Variants in CHL1 observed in about 807,000 individuals in gnomAD.
The protein encoded by CHL1 is neural cell adhesion molecule L1-like protein.
In CHL1, 96 loss-of-function variants were observed where a neutral mutation model predicts 141.9. The ratio of observed to expected loss-of-function variants is 0.68; its 90% CI spans 0.57 to 0.80. The LOEUF (loss-of-function observed/expected upper bound fraction) is 0.80. CHL1 is among the 30% of genes least tolerant of loss of function. The probability of loss-of-function intolerance (pLI) is 0.00; values close to 1 mark genes in which losing one functional copy is unlikely to be tolerated. For synonymous variants in CHL1, 613 were observed against 502.2 expected (o/e 1.22, Z -2.95); for missense variants, 1,820 against 1,457.2 (o/e 1.25, Z -4.05).
rs73815830 is a variant in CHL1 at position 287,577 on chromosome 3, G to C, written c.-94-32106G>C. On this transcript the variant is annotated intron_variant, in intron 2 of 27. Coordinates refer to ENST00000256509, the MANE Select transcript of CHL1 (RefSeq NM_006614.4). ...TCTTCTACTCAGATAATAAATGCCA[G>C]TCTTTGATTTGATATATTTAACTCT... 9.5e-3 allele frequency among the ~76,000 whole-genome samples: 1,452 copies of C among 152,236 alleles called. 22 individuals carry two copies. The highest frequency in any genetic ancestry group is 0.033 in the African/African-American group (1,386 of 41,518).
At chr3:313,090 C>CTG (rs1699885198) in intron 2 of CHL1, among the ~76,000 whole-genome samples, 1 of 152,030 alleles carries the variant, frequency 6.6e-6, no homozygotes, top group East Asian at 1.9e-4. Flanking sequence ...TCTTTTTTGG[C>CTG]TGTGTGCATT....
At chr3:212,983 C>G (rs1015098012) in intron 1 of CHL1, among the ~76,000 whole-genome samples, 7 of 152,054 alleles carry the variant, frequency 4.6e-5, no homozygotes, top group Admixed American at 1.3e-4. Flanking sequence ...TATTTATTAC[C>G]TTAAATGAAA....
intron 10 of CHL1, among the ~76,000 whole-genome samples, chr3:351,892 G>A (rs1356997963): frequency 2.0e-5 from 3 of 152,052 alleles, no homozygotes; most frequent in Non-Finnish European, 4.4e-5. Context: ...TCTAAGATAT[G>A]ATTAATTACA....
Position 341,979 on chromosome 3 carries a change from C to T in CHL1, c.576C>T (p.Asn192=), listed in dbSNP as rs138803649. 4.7e-5 allele frequency: 76 copies of T among 1,613,316 alleles called. No homozygotes were observed. The highest frequency in any genetic ancestry group is 2.0e-4 in the Admixed American group (12 of 59,960). ...MSQKGDLYFA[N]VEEKDSRNDY... ...AAAAGGGAGATCTATACTTCGCAAACGTGGAAGAAAAGGACAGTCGCAATG... is the reference window on the plus strand; with the variant it reads ...AAAAGGGAGATCTATACTTCGCAAATGTGGAAGAAAAGGACAGTCGCAATG... The change falls in exon 7 of 28, where the codon AAC becomes AAT. Residue 192 remains asparagine (N), a synonymous_variant. Coordinates refer to ENST00000256509, the MANE Select transcript of CHL1 (RefSeq NM_006614.4).
At chr3:334,865 C>T (rs1701741297) in intron 5 of CHL1, among the ~76,000 whole-genome samples, 1 of 152,134 alleles carries the variant, frequency 6.6e-6, no homozygotes. Context: ...TCCCGTTCTG[C>T]ATTGCCTTGT....
Position 391,739 on chromosome 3 carries a change from G to A in CHL1, c.2856G>A (p.Trp952Ter). The change falls in exon 23 of 28, where the codon TGG becomes TGA. Residue 952 changes from tryptophan to a stop codon, truncating the protein, a stop_gained. Transcript: ENST00000256509. LOFTEE classifies it high-confidence loss of function. ...KVDKDTATLS[W>*]GLPKKLNGNL... ...ATAAAGACACTGCCACTTTATCTTG[G>A]GGACTACCTAAGAAATTAAATGGAA... 1 of 1,602,838 alleles carries A rather than the reference G, an allele frequency of 6.2e-7. No homozygotes were observed. The highest frequency in any genetic ancestry group is 8.5e-7 in the Non-Finnish European group (1 of 1,172,042).
At chr3:282,104 G>T (rs1470684322) in intron 2 of CHL1, among the ~76,000 whole-genome samples, 1 of 151,434 alleles carries the variant, frequency 6.6e-6, no homozygotes, top group Non-Finnish European at 1.5e-5. Flanking sequence ...AATAAATATT[G>T]TCTGGCATGC....
chr3:343,512 C>A (rs1486039250), intron 8 of CHL1, among the ~76,000 whole-genome samples: 1 of 152,164 alleles, frequency 6.6e-6, no homozygotes, highest in African/African-American at 2.4e-5. Flanking sequence ...TTTTCAAGTT[C>A]ATGTGTCTGC....
chr3:403,722 A>G (rs571140455), intron 27 of CHL1, among the ~76,000 whole-genome samples: 1 of 152,262 alleles, frequency 6.6e-6, no homozygotes, highest in Admixed American at 6.5e-5. Context: ...ATTATTTCCT[A>G]TGACATCCCT....
At position 360,431 on chromosome 3, in the gene CHL1, G is replaced by T. The variant is rs2125256745; in HGVS notation, c.1306+7G>T. The T allele has an allele frequency of 6.2e-7, 1 of 1,612,888 alleles. No individual in the cohort carries two copies. On this transcript the variant is annotated splice_region_variant and intron_variant, in intron 12 of 27. Transcript: ENST00000256509. ...GCCAATATTGATGTTGTGGGTGAGT[G>T]TGCCTGGGAGCTGACTTAACATGCT...
At chr3:333,074 T>A (rs1189020249) in intron 5 of CHL1, among the ~76,000 whole-genome samples, 1 of 149,730 alleles carries the variant, frequency 6.7e-6, no homozygotes, top group Admixed American at 6.8e-5. Context: ...GAGAGTATTG[T>A]ATTAAGAGCT....
intron 15 of CHL1, among the ~76,000 whole-genome samples, chr3:367,208 G>C (rs949179524): frequency 2.6e-5 from 4 of 152,202 alleles, no homozygotes; most frequent in Non-Finnish European, 5.9e-5. Flanking sequence ...CTTTTGCATT[G>C]TTACTAAGTA....
intron 1 of CHL1, among the ~76,000 whole-genome samples, chr3:208,571 C>A (rs545557684): frequency 3.3e-5 from 5 of 152,104 alleles, no homozygotes; most frequent in Non-Finnish European, 7.4e-5. Flanking sequence ...TGGTTCTAGG[C>A]CTTTATTCAA....
chr3:290,615 C>G (rs987044714), intron 2 of CHL1, among the ~76,000 whole-genome samples: 1 of 152,196 alleles, frequency 6.6e-6, no homozygotes, highest in Admixed American at 6.5e-5. Flanking sequence ...TCATCACTCT[C>G]TACTTCTGAC....
chr3:303,657 A>G (rs1272657054), intron 2 of CHL1, among the ~76,000 whole-genome samples: 1 of 152,182 alleles, frequency 6.6e-6, no homozygotes, highest in Non-Finnish European at 1.5e-5. Flanking sequence ...TTTTCTAATT[A>G]TACAATCATG....
At position 377,852 on chromosome 3, in the gene CHL1, A is replaced by G; in HGVS notation, c.1786A>G (p.Asn596Asp). Reference protein sequence around the residue: ...IIDGANLTISNVTLEDQGIYC... With the variant: ...IIDGANLTISDVTLEDQGIYC... ...TGATGGAGCTAATTTGACCATATCT[A>G]ATGTAACTTTAGAGGACCAAGGTAT... is the stretch of plus-strand genomic sequence containing the variant. The change falls in exon 16 of 28, where the codon AAT becomes GAT. Residue 596 changes from asparagine (N) to aspartate (D), a missense_variant. Coordinates refer to ENST00000256509, the MANE Select transcript of CHL1 (RefSeq NM_006614.4). 6.2e-7 allele frequency: 1 copy of G among 1,610,050 alleles called. No individual in the cohort carries two copies. Among genetic ancestry groups the G allele is most frequent in the African/African-American group, 1.3e-5 (1 of 74,904 alleles).
intron 8 of CHL1, 62 bp from the exon 9 acceptor site, chr3:344,527 T>C: frequency 7.9e-7 from 1 of 1,258,558 alleles, no homozygotes; most frequent in Non-Finnish European, 1.1e-6. Context: ...AAAGATGTGG[T>C]GTCACAGAAT....
In CHL1 at chr3:333,802, G is replaced by T. The variant is rs115906038; in HGVS notation, c.385+5448G>T. On this transcript the variant is annotated intron_variant, in intron 5 of 27. Transcript: ENST00000256509. Reference sequence around the variant, plus strand: ...GCCTTCATTATCCAACTATCAGTAAGGTTAAAATGATAATATAAATAATCC... The same window carrying T: ...GCCTTCATTATCCAACTATCAGTAATGTTAAAATGATAATATAAATAATCC... Among the ~76,000 whole-genome samples the T allele has an allele frequency of 3.2e-3, 481 of 152,234 alleles. 1 individual carries two copies. Among genetic ancestry groups the T allele is most frequent in the African/African-American group, 0.011 (452 of 41,538 alleles).
chr3:219,885 G>T (rs1211595574), intron 1 of CHL1, among the ~76,000 whole-genome samples: 2 of 152,160 alleles, frequency 1.3e-5, no homozygotes, highest in Admixed American at 6.5e-5. Flanking sequence ...AACTCAAATG[G>T]CCAAAATACA....
Sources: gnomAD v4.1 joint callset for allele counts (sites outside exome capture counted in the v4.1 genomes callset) on GRCh38, gnomAD v4.1.1 for gene constraint, MANE v1.5 for transcripts, NCBI Gene and HGNC (gene_info 2026-07-23, HGNC 2026-07-21) for gene names.